CC2D1A: variants seen among roughly 807,000 people sequenced by gnomAD.
The protein encoded by CC2D1A is coiled-coil and C2 domain containing 1A.
Under a neutral mutation model 123.8 loss-of-function variants are expected in CC2D1A, and 68 were observed. The observed-to-expected ratio is 0.55, with a 90% CI of 0.45 to 0.67. The LOEUF (loss-of-function observed/expected upper bound fraction) is 0.67. CC2D1A is among the 30% of genes least tolerant of loss of function. The probability of loss-of-function intolerance (pLI) is 0.00; values close to 1 mark genes in which losing one functional copy is unlikely to be tolerated. For missense variants in CC2D1A, 1,185 were observed against 1,290.3 expected (o/e 0.92, Z 1.25); for synonymous variants, 477 against 528.0 (o/e 0.90, Z 1.32).
At position 13,920,670 on chromosome 19, in the gene CC2D1A, TA is replaced by T; in HGVS notation, c.1468+4del. The T allele has an allele frequency of 6.2e-7, 1 of 1,606,534 alleles. No homozygotes were observed. On this transcript the variant is annotated splice_donor_region_variant and intron_variant, in intron 13 of 28. Coordinates refer to ENST00000318003, the MANE Select transcript of CC2D1A (RefSeq NM_017721.5). ...CCCCCAAAGCCACATCCACCAGAGG[TA>T]AGTTCCCCCTCCCCGCCCCAGCTGC...
intron 7 of CC2D1A, 71 bp from the exon 8 acceptor site, chr19:13,918,433 C>CCCGGAGGCTCCCCACAGGGT (rs1435236695): frequency 6.9e-7 from 1 of 1,447,954 alleles, no homozygotes; most frequent in East Asian, 2.4e-5. Flanking sequence ...CATGGAAGGG[C>CCCGGAGGCTCCCCACAGGGT]CCGGAGGCTC....
intron 2 of CC2D1A, among the ~76,000 whole-genome samples, chr19:13,911,886 T>C (rs1366461113): frequency 1.3e-5 from 2 of 152,034 alleles, no homozygotes; most frequent in Non-Finnish European, 2.9e-5. Flanking sequence ...TGGCTAATTT[T>C]TTGTATTTGT....
At chr19:13,912,131 G>A (rs548511308) in intron 2 of CC2D1A, among the ~76,000 whole-genome samples, 192 bp from the exon 3 acceptor site, 8 of 152,298 alleles carry the variant, frequency 5.3e-5, no homozygotes, top group South Asian at 2.1e-4. Context: ...GATTATAGGC[G>A]TGAGTCACTG....
intron 6 of CC2D1A, among the ~76,000 whole-genome samples, chr19:13,916,792 T>C (rs1433389972): frequency 6.6e-6 from 1 of 152,180 alleles, no homozygotes; most frequent in African/African-American, 2.4e-5. Flanking sequence ...GTTGTTAGTC[T>C]GAAAAAAAGA....
rs1971503265 is a variant in CC2D1A at position 13,923,937 on chromosome 19, A to G, written c.1940+126A>G. On this transcript the variant is annotated intron_variant, in intron 17 of 28. Transcript: ENST00000318003. The surrounding 1 kb of genome is among the most constrained non-coding windows in gnomAD (Gnocchi z 5.3). ...GGAAGAAATTTTGGATAGGTGGAAGAGCACAGAGCATGCAAAGGCTCTGGG... is the reference window on the plus strand; with the variant it reads ...GGAAGAAATTTTGGATAGGTGGAAGGGCACAGAGCATGCAAAGGCTCTGGG... 1 of 691,054 alleles carries G rather than the reference A, an allele frequency of 1.4e-6. No individual in the cohort carries two copies. The highest frequency in any genetic ancestry group is 2.4e-5 in the Admixed American group (1 of 41,328). 42.8% of individuals were successfully genotyped at this position (691,054 alleles called of 1,614,324 possible).
At chr19:13,908,005 T>TTTTG (rs899812890) in intron 1 of CC2D1A, among the ~76,000 whole-genome samples, 9 of 152,214 alleles carry the variant, frequency 5.9e-5, no homozygotes, top group African/African-American at 1.4e-4. Flanking sequence ...GGGGTTCTTT[T>TTTTG]TTTGTTTGTT....
At chr19:13,919,651 C>T (rs1486530462) in intron 11 of CC2D1A, 167 bp from the exon 12 acceptor site, 12 of 552,790 alleles carry the variant, frequency 2.2e-5, no homozygotes, top group South Asian at 6.1e-5. Context: ...GTACTCCAGC[C>T]TGGGCAACAG....
intron 1 of CC2D1A, among the ~76,000 whole-genome samples, chr19:13,907,824 C>T (rs144562141): frequency 8.0e-4 from 122 of 152,212 alleles, no homozygotes; most frequent in Admixed American, 3.5e-3. Flanking sequence ...ATAAATGTTA[C>T]TATTATCATT....
At chr19:13,907,405 C>G (rs531189485) in intron 1 of CC2D1A, among the ~76,000 whole-genome samples, 1 of 152,240 alleles carries the variant, frequency 6.6e-6, no homozygotes, top group East Asian at 1.9e-4. Context: ...GAACAAGACT[C>G]TTTCTCTAAA....
At chr19:13,926,005 T>TAC (rs1261621918) in intron 17 of CC2D1A, among the ~76,000 whole-genome samples, 4 of 127,592 alleles carry the variant, frequency 3.1e-5, no homozygotes, top group Non-Finnish European at 6.1e-5. Flanking sequence ...TGTGTGTATA[T>TAC]ATATATATAC....
At chr19:13,920,692 G>A in intron 13 of CC2D1A, 24 bp downstream of exon 13, 1 of 1,609,068 alleles carries the variant, frequency 6.2e-7, no homozygotes, top group Non-Finnish European at 8.5e-7. Context: ...CCCCGCCCCA[G>A]CTGCCTGTTG....
intron 11 of CC2D1A, 139 bp from the exon 12 acceptor site, chr19:13,919,677 CAA>C (rs375915996): frequency 8.4e-4 from 539 of 645,254 alleles, no homozygotes; most frequent in South Asian, 1.5e-3. Context: ...GATCCTGTCT[CAA>C]AAAAAAAAAA....
chr19:13,909,777 C>T, intron 1 of CC2D1A, 46 bp from the exon 2 acceptor site: 1 of 1,609,526 alleles, frequency 6.2e-7, no homozygotes, highest in Non-Finnish European at 8.5e-7. Flanking sequence ...TGCCTCTAGC[C>T]ATGTGGTGAA....
chr19:13,927,783 G>GA (rs375146906), intron 22 of CC2D1A, 110 bp from the exon 23 acceptor site: 149,505 of 762,080 alleles, frequency 0.2, 17 homozygotes, highest in South Asian at 0.28. Context: ...CTCTATCTCA[G>GA]AAAAAAAAAA....
chr19:13,928,295 T>G (rs560879140), intron 24 of CC2D1A, 107 bp downstream of exon 24: 2 of 939,210 alleles, frequency 2.1e-6, no homozygotes, highest in Admixed American at 2.5e-5. Flanking sequence ...CCTCTCCTGC[T>G]GCAAAACCTT....
In CC2D1A at chr19:13,923,748, C is replaced by G; in HGVS notation, c.1877C>G (p.Ala626Gly). ...CKRSMDILKQ[A>G]FVRGLPTPTA... ...CGGAGCATGGACATTCTGAAGCAAG[C>G]CTTCGTCCGGGGTCTCCCCACGCCC... The change falls in exon 17 of 29, where the codon GCC becomes GGC. Residue 626 changes from alanine to glycine, a missense_variant. By Grantham distance (60) the Ala-to-Gly change is moderately conservative. Transcript: ENST00000318003. This position sits in a 1 kb window ranked among gnomAD's most constrained non-coding sequence, Gnocchi z 5.3. The G allele has an allele frequency of 6.2e-7, 1 of 1,614,180 alleles. No homozygotes were observed.
intron 14 of CC2D1A, among the ~76,000 whole-genome samples, chr19:13,921,497 TG>T (rs763577441): frequency 1.3e-4 from 20 of 152,148 alleles, no homozygotes; most frequent in Non-Finnish European, 2.8e-4. Context: ...GAAGTGGGGA[TG>T]GCCACCCCTG....
chr19:13,927,821 TC>T (rs1413899089), intron 22 of CC2D1A, 71 bp from the exon 23 acceptor site: 21 of 1,401,224 alleles, frequency 1.5e-5, no homozygotes, highest in Non-Finnish European at 2.1e-5. Context: ...AGTCTTGTTC[TC>T]CCTTGTCCTG....
In CC2D1A at chr19:13,926,838, C is replaced by T; in HGVS notation, c.2091C>T (p.Asp697=). 6.2e-7 allele frequency: 1 copy of T among 1,614,108 alleles called. No individual in the cohort carries two copies. The highest frequency in any genetic ancestry group is 1.1e-5 in the South Asian group (1 of 91,084). Residue 697 remains aspartate, a synonymous_variant, in exon 20 of 29, where the codon GAC becomes GAT. Coordinates refer to ENST00000318003, the MANE Select transcript of CC2D1A (RefSeq NM_017721.5). ...GGTCATAGGAAGAAGCTCAGAAAGA[C>T]AAGACCAGTGTGATCAAGAACACAG... ...PYPNVEEAQK[D]KTSVIKNTDS... is the part of the protein sequence containing the mutation.
Sources: gnomAD v4.1 joint callset for allele counts (sites outside exome capture counted in the v4.1 genomes callset) on GRCh38, gnomAD v4.1.1 for gene constraint, Gnocchi (gnomAD v3.1) non-coding constraint, MANE v1.5 for transcripts, NCBI Gene and HGNC (gene_info 2026-07-23, HGNC 2026-07-21) for gene names.